The following PABPC1 variants were observed in gnomAD, a reference collection of about 807,000 sequenced individuals.
PABPC1 encodes poly(A) binding protein cytoplasmic 1.
A neutral mutation model predicts 74.0 loss-of-function variants in PABPC1; 4 were observed. The observed-to-expected ratio is 0.05, with a 90% CI of 0.03 to 0.12. The LOEUF (loss-of-function observed/expected upper bound fraction) is 0.12, where lower values mean the gene tolerates loss of function less well. Among genes scored for constraint, PABPC1 ranks in the 10% least tolerant of loss-of-function variants. The probability of loss-of-function intolerance (pLI) is 1.00; values close to 1 mark genes in which losing one functional copy is unlikely to be tolerated. For synonymous variants in PABPC1, 227 were observed against 264.1 expected (o/e 0.86, Z 1.36); for missense variants, 271 against 821.1 (o/e 0.33, Z 8.19).
At chr8:100,719,652 C>T (rs1304768302) in intron 1 of PABPC1, among the ~76,000 whole-genome samples, 2 of 152,124 alleles carry the variant, frequency 1.3e-5, no homozygotes, top group Non-Finnish European at 2.9e-5. Context: ...ATATACTGTA[C>T]ACTGTAACCA....
intron 3 of PABPC1, among the ~76,000 whole-genome samples, chr8:100,716,201 C>G (rs76970511): frequency 2.7e-4 from 41 of 152,096 alleles, no homozygotes; most frequent in Admixed American, 2.3e-3. Flanking sequence ...GCCAGGAATT[C>G]GAGTTCAGCC....
intron 2 of PABPC1, 53 bp from the exon 3 acceptor site, chr8:100,717,941 G>T: frequency 1.4e-6 from 2 of 1,425,304 alleles, no homozygotes; most frequent in Non-Finnish European, 2.0e-6. Context: ...TTTAACATTT[G>T]TTCAGTGTTG....
At position 100,721,829 on chromosome 8, in the gene PABPC1, G is replaced by A; in HGVS notation, c.-246C>T. ...GGGTCCGGGCAGCGGGAAGGCCTCGGTCTCTTGGTTCCTTCTTGGAGCTGC... is the reference window on the plus strand; with the variant it reads ...GGGTCCGGGCAGCGGGAAGGCCTCGATCTCTTGGTTCCTTCTTGGAGCTGC... On this transcript the variant is annotated 5_prime_UTR_variant, in exon 1 of 15. Coordinates refer to ENST00000318607, the MANE Select transcript of PABPC1 (RefSeq NM_002568.4). The surrounding 1 kb of genome is among the most constrained non-coding windows in gnomAD (Gnocchi z 7.4). 1 of 385,482 alleles carries A rather than the reference G, an allele frequency of 2.6e-6. No homozygotes were observed. The highest frequency in any genetic ancestry group is 4.7e-6 in the Non-Finnish European group (1 of 214,436). 23.9% of individuals were successfully genotyped at this position (385,482 alleles called of 1,614,324 possible). A position where few individuals can be genotyped will look rare whatever the true frequency, so the allele number is the denominator to read the frequency against.
intron 7 of PABPC1, chr8:100,709,948 A>C (rs1259632721): frequency 4.1e-6 from 2 of 486,130 alleles, no homozygotes; most frequent in East Asian, 6.4e-5. Flanking sequence ...AGGTCAGAGA[A>C]CTGACAGAAG....
At chr8:100,717,040 C>T (rs1278489918) in intron 3 of PABPC1, among the ~76,000 whole-genome samples, 2 of 151,968 alleles carry the variant, frequency 1.3e-5, no homozygotes, top group Non-Finnish European at 2.9e-5. Flanking sequence ...AAGACAGTTT[C>T]AATCTTGTCG....
At position 100,707,315 on chromosome 8, in the gene PABPC1, C is replaced by T. The variant is rs997846333; in HGVS notation, c.1337-318G>A. ...TTTAAAAAAAAAAGACAGCTGGGCA[C>T]GGGGGACCACTACCACCAAGACGCG... On this transcript the variant is annotated intron_variant, in intron 9 of 14. Transcript: ENST00000318607. The T allele has an allele frequency of 6.6e-5, 18 of 271,694 alleles. No individual in the cohort carries two copies. The East Asian group carries it at 7.5e-4, about 11-fold the overall frequency. 16.8% of individuals were successfully genotyped at this position (271,694 alleles called of 1,614,324 possible).
At chr8:100,711,258 C>T (rs901376479) in intron 7 of PABPC1, among the ~76,000 whole-genome samples, 9 of 151,836 alleles carry the variant, frequency 5.9e-5, no homozygotes, top group African/African-American at 1.7e-4. Flanking sequence ...CCAGCCCAGG[C>T]GAGAGTGAGA....
intron 9 of PABPC1, 142 bp from the exon 10 acceptor site, chr8:100,707,139 A>G: frequency 3.4e-6 from 2 of 589,394 alleles, no homozygotes; most frequent in Non-Finnish European, 3.0e-6. Context: ...AACACTTGCC[A>G]TTTTCCCAGA....
intron 8 of PABPC1, 108 bp from the exon 9 acceptor site, chr8:100,709,331 A>G: frequency 1.4e-6 from 2 of 1,459,700 alleles, no homozygotes; most frequent in East Asian, 2.3e-5. Context: ...ACACTCAAGC[A>G]TTTTTTCCTA....
At chr8:100,715,720 C>T (rs1563614868) in intron 3 of PABPC1, 119 bp from the exon 4 acceptor site, 1 of 621,100 alleles carries the variant, frequency 1.6e-6, no homozygotes, top group East Asian at 2.9e-5. Flanking sequence ...TAATAAAAAG[C>T]ACACTACAAA....
intron 4 of PABPC1, among the ~76,000 whole-genome samples, chr8:100,713,432 A>G (rs979205461): frequency 6.6e-6 from 1 of 152,150 alleles, no homozygotes; most frequent in African/African-American, 2.4e-5. Context: ...AACGGCTGTA[A>G]AAAGTTTTAT....
chr8:100,712,173 G>A (rs1017551960), intron 7 of PABPC1, among the ~76,000 whole-genome samples, 189 bp downstream of exon 7: 8 of 152,224 alleles, frequency 5.3e-5, no homozygotes, highest in Non-Finnish European at 8.8e-5. Flanking sequence ...CCTTAGCAAA[G>A]AGTTCAGTGC....
chr8:100,719,565 C>T (rs73700220), intron 1 of PABPC1, among the ~76,000 whole-genome samples: 7,600 of 152,142 alleles, frequency 0.05, 628 homozygotes, highest in African/African-American at 0.17. Context: ...ATTGTACATA[C>T]AGAAACTAGA....
chr8:100,707,447 A>T (rs1290662082), intron 9 of PABPC1, among the ~76,000 whole-genome samples: 3 of 152,202 alleles, frequency 2.0e-5, no homozygotes, highest in Admixed American at 1.3e-4. Flanking sequence ...AGGTAAGGTC[A>T]CGTGGGTTAC....
chr8:100,713,054 C>G, intron 5 of PABPC1, 33 bp downstream of exon 5: 1 of 1,431,544 alleles, frequency 7.0e-7, no homozygotes, highest in African/African-American at 1.4e-5. Context: ...CAACTTTGTA[C>G]CCCCTTCTTC....
intron 11 of PABPC1, among the ~76,000 whole-genome samples, chr8:100,705,975 G>A (rs1172861589): frequency 3.9e-5 from 6 of 152,052 alleles, no homozygotes; most frequent in Non-Finnish European, 5.9e-5. Flanking sequence ...AGCCTCCCCA[G>A]TAGCTGGGAT....
chr8:100,707,576 ACT>A (rs1319354689), intron 9 of PABPC1, among the ~76,000 whole-genome samples: 6 of 152,340 alleles, frequency 3.9e-5, no homozygotes, highest in African/African-American at 1.4e-4. Context: ...TAGTACTTTC[ACT>A]AATTTACTAC....
intron 2 of PABPC1, 25 bp downstream of exon 2, chr8:100,718,062 T>G (rs766011404): frequency 1.3e-6 from 2 of 1,585,974 alleles, no homozygotes; most frequent in Admixed American, 3.3e-5. Flanking sequence ...AATGTAAACA[T>G]GTGTATCGGA....
chr8:100,718,046 C>T, intron 2 of PABPC1, 41 bp downstream of exon 2: 4 of 1,544,834 alleles, frequency 2.6e-6, no homozygotes, highest in Middle Eastern at 1.7e-4. Context: ...CTAAATGTAG[C>T]TCAACAATGT....
Sources: gnomAD v4.1 joint callset for allele counts (sites outside exome capture counted in the v4.1 genomes callset) on GRCh38, gnomAD v4.1.1 for gene constraint, Gnocchi (gnomAD v3.1) non-coding constraint, MANE v1.5 for transcripts, NCBI Gene and HGNC (gene_info 2026-07-23, HGNC 2026-07-21) for gene names.